Variants in PDE4D observed in about 807,000 individuals in gnomAD.
The protein encoded by PDE4D is phosphodiesterase 4D.
A neutral mutation model predicts 87.4 loss-of-function variants in PDE4D; 24 were observed. That is an observed-to-expected ratio of 0.27 (90% CI 0.20 to 0.39). The LOEUF is 0.39. Among genes scored for constraint, PDE4D ranks in the 10% least tolerant of loss-of-function variants. The pLI, the probability that PDE4D is intolerant of heterozygous loss-of-function variation, is 1.00. For missense variants in PDE4D, 714 were observed against 1,041.0 expected, an observed-to-expected ratio of 0.69 and a Z score of 4.32; for synonymous variants, 384 against 383.2, an observed-to-expected ratio of 1.00 and a Z score of -0.02.
intron 1 of PDE4D, among the ~76,000 whole-genome samples, chr5:60,433,201 C>T (rs1193444501): frequency 6.6e-6 from 1 of 152,028 alleles, no homozygotes; most frequent in Non-Finnish European, 1.5e-5. Flanking sequence ...GTTTAATATC[C>T]AGAATCTATA....
rs56306218 is a variant in PDE4D at position 59,081,518 on chromosome 5, T to TTAAAAAAA, written c.809-42548_809-42547insTTTTTTTA. ...ACCTCATGACCAGGAAGTAATCAGG[T>TTAAAAAAA]AAAAAAAAAAAAGAAAAAAAGTGGG... On this transcript the variant is annotated intron_variant, in intron 5 of 14. Coordinates refer to ENST00000340635, the MANE Select transcript of PDE4D (RefSeq NM_001104631.2). Among the ~76,000 whole-genome samples the TTAAAAAAA allele has an allele frequency of 5.8e-4, 79 of 135,422 alleles. 10 individuals are homozygous for TTAAAAAAA. The highest frequency in any genetic ancestry group is 3.8e-3 in the Middle Eastern group (1 of 262). 88.8% of individuals were successfully genotyped at this position (135,422 alleles called of 152,430 possible). A position where few individuals can be genotyped will look rare whatever the true frequency, so the allele number is the denominator to read the frequency against.
At chr5:60,343,694 A>G (rs143055868) in intron 1 of PDE4D, among the ~76,000 whole-genome samples, 43 of 151,888 alleles carry the variant, frequency 2.8e-4, no homozygotes, top group African/African-American at 1.0e-3. Context: ...ACACCAAGAT[A>G]TTTCTCTCCT....
At chr5:59,400,696 C>T (rs1790435327) in intron 1 of PDE4D, among the ~76,000 whole-genome samples, 1 of 149,906 alleles carries the variant, frequency 6.7e-6, no homozygotes, top group Non-Finnish European at 1.5e-5. Flanking sequence ...AACTAACCTG[C>T]ACAATGTGCA....
At chr5:60,505,432 A>G (rs1485108135) in intron 1 of PDE4D, among the ~76,000 whole-genome samples, 2 of 152,136 alleles carry the variant, frequency 1.3e-5, no homozygotes, top group Non-Finnish European at 2.9e-5. Flanking sequence ...TGTCTTCTGG[A>G]TGAAGAAGGA....
chr5:60,044,918 T>C (rs1769020652), intron 2 of PDE4D, among the ~76,000 whole-genome samples: 1 of 152,196 alleles, frequency 6.6e-6, no homozygotes, highest in African/African-American at 2.4e-5. Flanking sequence ...TTTCTAGTTC[T>C]AGATCCCTGA....
At chr5:59,000,021 G>A (rs1004127993) in intron 6 of PDE4D, 34 of 592,634 alleles carry the variant, frequency 5.7e-5, no homozygotes, top group Non-Finnish European at 6.8e-5. Flanking sequence ...CCTATAAGGC[G>A]AGGGGGTGTG....
chr5:59,727,293 C>T (rs1756740808), intron 1 of PDE4D, among the ~76,000 whole-genome samples: 1 of 152,000 alleles, frequency 6.6e-6, no homozygotes, highest in Admixed American at 6.6e-5. Flanking sequence ...AGTCTCAGCT[C>T]CTGTCAATTT....
intron 1 of PDE4D, among the ~76,000 whole-genome samples, chr5:59,352,078 T>C (rs1780615348): frequency 6.6e-6 from 1 of 152,144 alleles, no homozygotes; most frequent in Non-Finnish European, 1.5e-5. Context: ...AAGGTAATGC[T>C]AGATCCACCT....
chr5:60,450,714 G>C (rs1484838497), intron 1 of PDE4D, among the ~76,000 whole-genome samples: 1 of 152,058 alleles, frequency 6.6e-6, no homozygotes, highest in Admixed American at 6.6e-5. Context: ...ATAAATACAA[G>C]TTTCATTGAC....
chr5:59,824,909 T>C (rs1770140051), intron 1 of PDE4D, among the ~76,000 whole-genome samples: 1 of 152,210 alleles, frequency 6.6e-6, no homozygotes, highest in Admixed American at 6.5e-5. Context: ...TACAGCATTA[T>C]ACCTGTTTTC....
intron 1 of PDE4D, among the ~76,000 whole-genome samples, chr5:59,323,789 T>A (rs1196000073): frequency 2.6e-5 from 4 of 152,128 alleles, no homozygotes; most frequent in Non-Finnish European, 4.4e-5. Flanking sequence ...AAGACATTTT[T>A]TTTTTGAAGT....
intron 1 of PDE4D, among the ~76,000 whole-genome samples, chr5:59,715,406 T>C (rs1754870115): frequency 6.6e-6 from 1 of 152,196 alleles, no homozygotes; most frequent in Admixed American, 6.5e-5. Context: ...CTATGCCCGA[T>C]GGGGCACGGT....
At chr5:60,029,088 T>C (rs986761188) in intron 2 of PDE4D, among the ~76,000 whole-genome samples, 4 of 152,250 alleles carry the variant, frequency 2.6e-5, no homozygotes, top group South Asian at 2.1e-4. Context: ...TTGTTATTTA[T>C]TTATTTTTAC....
chr5:60,280,197 T>C (rs1751760004), intron 1 of PDE4D, among the ~76,000 whole-genome samples: 1 of 152,074 alleles, frequency 6.6e-6, no homozygotes, highest in South Asian at 2.1e-4. Flanking sequence ...GGAATCTAAA[T>C]TGATTGAAAC....
At chr5:59,402,140 C>T (rs1288206343) in intron 1 of PDE4D, among the ~76,000 whole-genome samples, 1 of 152,180 alleles carries the variant, frequency 6.6e-6, no homozygotes, top group Non-Finnish European at 1.5e-5. Context: ...GTAGAATCAA[C>T]AATGGCATGG....
At chr5:59,123,278 G>A (rs976476315) in intron 5 of PDE4D, among the ~76,000 whole-genome samples, 1 of 152,128 alleles carries the variant, frequency 6.6e-6, no homozygotes, top group Non-Finnish European at 1.5e-5. Context: ...CTTCAGCCAT[G>A]AGCAATAGTG....
intron 2 of PDE4D, among the ~76,000 whole-genome samples, chr5:60,098,476 A>G (rs1258809460): frequency 6.6e-6 from 1 of 151,870 alleles, no homozygotes; most frequent in Non-Finnish European, 1.5e-5. Flanking sequence ...TATAGTTTTC[A>G]GTGTACAGAT....
intron 1 of PDE4D, among the ~76,000 whole-genome samples, chr5:59,637,215 G>A (rs1832358149): frequency 6.6e-6 from 1 of 152,164 alleles, no homozygotes; most frequent in Non-Finnish European, 1.5e-5. Flanking sequence ...ACACCAGTTA[G>A]AATGACGATC....
intron 1 of PDE4D, among the ~76,000 whole-genome samples, chr5:60,457,138 A>G (rs1283628695): frequency 2.0e-5 from 3 of 152,232 alleles, no homozygotes; most frequent in African/African-American, 7.2e-5. Context: ...TAGACACAGT[A>G]GAAGGAATAC....
Sources: gnomAD v4.1 joint callset for allele counts (sites outside exome capture counted in the v4.1 genomes callset) on GRCh38, gnomAD v4.1.1 for gene constraint, MANE v1.5 for transcripts, NCBI Gene and HGNC (gene_info 2026-07-23, HGNC 2026-07-21) for gene names.